MAPK4: variants seen among roughly 807,000 people sequenced by gnomAD.
MAPK4 encodes the protein mitogen-activated protein kinase 4.
In MAPK4, 22 loss-of-function variants were observed where a neutral mutation model predicts 47.7. The observed-to-expected ratio is 0.46, with a 90% CI of 0.33 to 0.66. The LOEUF (loss-of-function observed/expected upper bound fraction) is 0.66, where lower values mean the gene tolerates loss of function less well. MAPK4 is among the 30% of genes least tolerant of loss of function. The pLI is 0.02. For synonymous variants in MAPK4, 390 were observed against 365.7 expected (o/e 1.07, Z -0.76); for missense variants, 736 against 831.7 (o/e 0.88, Z 1.42).
intron 1 of MAPK4, among the ~76,000 whole-genome samples, chr18:50,628,063 G>C (rs565190791): frequency 6.6e-6 from 1 of 152,174 alleles, no homozygotes; most frequent in African/African-American, 2.4e-5. Flanking sequence ...CACTGGCTCC[G>C]AGGTAGGGTT....
At chr18:50,706,959 T>C (rs1338638406) in intron 2 of MAPK4, among the ~76,000 whole-genome samples, 1 of 152,188 alleles carries the variant, frequency 6.6e-6, no homozygotes, top group Non-Finnish European at 1.5e-5. Flanking sequence ...GAGGATAATG[T>C]CCAAAGCTTT....
At chr18:50,626,345 G>C (rs1475972024) in intron 1 of MAPK4, among the ~76,000 whole-genome samples, 2 of 152,158 alleles carry the variant, frequency 1.3e-5, no homozygotes, top group African/African-American at 4.8e-5. Context: ...GAAATGCTGT[G>C]GACCAGATGG....
chr18:50,694,160 T>C (rs1394758547), intron 2 of MAPK4, among the ~76,000 whole-genome samples: 2 of 152,196 alleles, frequency 1.3e-5, no homozygotes, highest in Non-Finnish European at 2.9e-5. Context: ...CATACTGCGG[T>C]AAATCTGCTG....
At chr18:50,575,975 T>C (rs1157286183) in intron 1 of MAPK4, among the ~76,000 whole-genome samples, 3 of 152,154 alleles carry the variant, frequency 2.0e-5, no homozygotes, top group East Asian at 3.9e-4. Context: ...ATGGCTATTA[T>C]TAAAAAGTCG....
intron 2 of MAPK4, among the ~76,000 whole-genome samples, chr18:50,703,831 T>G (rs1346353038): frequency 6.6e-6 from 1 of 152,226 alleles, no homozygotes. Flanking sequence ...CTATCTCCCC[T>G]GCTAGCTATT....
chr18:50,642,769 T>A (rs1476159962), intron 1 of MAPK4, among the ~76,000 whole-genome samples: 1 of 152,178 alleles, frequency 6.6e-6, no homozygotes, highest in Non-Finnish European at 1.5e-5. Flanking sequence ...GGAACTGCCA[T>A]TCTATCCAGG....
At chr18:50,654,750 G>A (rs1002097098) in intron 1 of MAPK4, among the ~76,000 whole-genome samples, 6 of 152,188 alleles carry the variant, frequency 3.9e-5, no homozygotes, top group Middle Eastern at 3.2e-3. Flanking sequence ...CGTGGCCACC[G>A]GCTCCCAGAC....
chr18:50,634,448 C>T (rs1157335506), intron 1 of MAPK4, among the ~76,000 whole-genome samples: 1 of 151,866 alleles, frequency 6.6e-6, no homozygotes, highest in East Asian at 1.9e-4. Flanking sequence ...GGTAGCCGAA[C>T]ACGAGTAGTC....
At chr18:50,559,765 A>G (rs1045092246), upstream of MAPK4, among the ~76,000 whole-genome samples, 1 of 151,536 alleles carries the variant, frequency 6.6e-6, no homozygotes, top group Non-Finnish European at 1.5e-5. Context: ...GGCGTGAGGA[A>G]GGGCTTCTGA....
intron 2 of MAPK4, among the ~76,000 whole-genome samples, chr18:50,711,982 G>A (rs964848083): frequency 2.0e-5 from 3 of 152,196 alleles, no homozygotes; most frequent in Middle Eastern, 3.4e-3. Context: ...GCAGGGCCCT[G>A]GTCCACTGTG....
chr18:50,642,943 A>G (rs1382137616), intron 1 of MAPK4, among the ~76,000 whole-genome samples: 1 of 152,212 alleles, frequency 6.6e-6, no homozygotes, highest in African/African-American at 2.4e-5. Context: ...CAGACTTTTT[A>G]AAGTGCTAGT....
intron 2 of MAPK4, among the ~76,000 whole-genome samples, chr18:50,696,907 G>A (rs867348796): frequency 1.1e-4 from 16 of 152,042 alleles, no homozygotes; most frequent in Middle Eastern, 6.8e-3. Flanking sequence ...TGAGCACCTG[G>A]AGAGAGAAAA....
chr18:50,683,294 A>G (rs1173913629), intron 2 of MAPK4, among the ~76,000 whole-genome samples: 2 of 151,682 alleles, frequency 1.3e-5, no homozygotes, highest in Non-Finnish European at 2.9e-5. Context: ...TAATTTTTAT[A>G]TTTTTTTAGT....
rs1911433117 is a variant in MAPK4 at position 50,729,650 on chromosome 18, C to T, written c.1560C>T (p.Ala520=). ...PADDPERRLS[A]SPPGRPAPVD... is the part of the protein sequence containing the mutation. ...ACGACCCCGAGCGCCGCTTGTCTGCCTCGCCCCCCGGCCGCCCGGCCCCGG... is the reference window on the plus strand; with the variant it reads ...ACGACCCCGAGCGCCGCTTGTCTGCTTCGCCCCCCGGCCGCCCGGCCCCGG... The change falls in exon 6 of 6, where the codon GCC becomes GCT. Residue 520 remains alanine (A), a synonymous_variant. Coordinates refer to ENST00000400384, the MANE Select transcript of MAPK4 (RefSeq NM_002747.4). 26 of 1,512,220 alleles carry T rather than the reference C, an allele frequency of 1.7e-5. No individual in the cohort carries two copies. Among genetic ancestry groups the T allele is most frequent in the Non-Finnish European group, 2.3e-5 (26 of 1,127,856 alleles). The allele number at this position is 1,512,220 out of a possible 1,614,324, so 93.7% of individuals were successfully genotyped here.
At position 50,730,066 on chromosome 18, in the gene MAPK4, C is replaced by CT. The variant is rs1911476168; in HGVS notation, c.*214dup. On this transcript the variant is annotated 3_prime_UTR_variant, in exon 6 of 6. Transcript: ENST00000400384. ...GGAGCGGGTTTGAACAGGACCCTGG[C>CT]TTAGGGGTTGATCACTTTCCTAGCA... is the stretch of plus-strand genomic sequence containing the variant. 2 of 459,730 alleles carry CT rather than the reference C, an allele frequency of 4.4e-6. No individual in the cohort carries two copies. Among genetic ancestry groups the CT allele is most frequent in the East Asian group, 6.5e-5 (2 of 30,626 alleles). 28.5% of individuals were successfully genotyped at this position (459,730 alleles called of 1,614,324 possible). A position where few individuals can be genotyped will look rare whatever the true frequency, so the allele number is the denominator to read the frequency against.
At chr18:50,610,098 G>T (rs551921719) in intron 1 of MAPK4, among the ~76,000 whole-genome samples, 4 of 152,326 alleles carry the variant, frequency 2.6e-5, no homozygotes, top group African/African-American at 4.8e-5. Context: ...CAGGGTCATG[G>T]TTAGAAGACC....
chr18:50,670,211 G>C (rs1047977693), intron 2 of MAPK4: 1 of 151,274 alleles, frequency 6.6e-6, no homozygotes, highest in Non-Finnish European at 1.5e-5. Flanking sequence ...GCCACATGGC[G>C]CTTGTCTTTC....
chr18:50,570,941 T>C (rs1383572563), intron 1 of MAPK4, among the ~76,000 whole-genome samples: 2 of 152,112 alleles, frequency 1.3e-5, no homozygotes, highest in Non-Finnish European at 2.9e-5. Context: ...AGTGGGGTGG[T>C]GGCGGCTTTT....
intron 1 of MAPK4, among the ~76,000 whole-genome samples, chr18:50,639,991 T>C (rs756773656): frequency 7.2e-5 from 11 of 152,250 alleles, no homozygotes; most frequent in Non-Finnish European, 1.2e-4. Context: ...TTTGTTCTCC[T>C]AATGGAATCA....
Sources: gnomAD v4.1 joint callset for allele counts (sites outside exome capture counted in the v4.1 genomes callset) on GRCh38, gnomAD v4.1.1 for gene constraint, MANE v1.5 for transcripts, NCBI Gene and HGNC (gene_info 2026-07-23, HGNC 2026-07-21) for gene names.